PREP: variants seen among roughly 807,000 people sequenced by gnomAD.
The protein encoded by PREP is prolyl endopeptidase, also known as dJ355L5.1 (prolyl endopeptidase).
In PREP, 29 loss-of-function variants were observed where a neutral mutation model predicts 87.6. The observed-to-expected ratio is 0.33, with a 90% CI of 0.25 to 0.45. The LOEUF (loss-of-function observed/expected upper bound fraction) is 0.45, where lower values mean the gene tolerates loss of function less well. Among genes scored for constraint, PREP ranks in the 20% least tolerant of loss-of-function variants. PREP has a pLI of 1.00. For missense variants in PREP, 695 were observed against 886.5 expected (o/e 0.78, Z 2.74); for synonymous variants, 337 against 328.6 (o/e 1.03, Z -0.28).
chr6:105,395,950 C>T (rs1408025755), intron 2 of PREP, among the ~76,000 whole-genome samples: 2 of 152,202 alleles, frequency 1.3e-5, no homozygotes, highest in East Asian at 1.9e-4. Context: ...GACCCAATCC[C>T]TCTGTCTCAG....
In PREP at chr6:105,376,266, G is replaced by A. The variant is rs779296672; in HGVS notation, c.255-11C>T. 6.2e-7 allele frequency: 1 copy of A among 1,611,526 alleles called. No homozygotes were observed. Among genetic ancestry groups the A allele is most frequent in the Admixed American group, 1.7e-5 (1 of 59,812 alleles). ...TAAAAATAAAAATACCTGGGGAACA[G>A]AGATGGTCTTTATTCAGCTGTGGAG... On this transcript the variant is annotated splice_polypyrimidine_tract_variant and intron_variant, in intron 3 of 14. Coordinates refer to ENST00000652536, the MANE Select transcript of PREP (RefSeq NM_002726.5).
At chr6:105,322,869 T>C (rs1371806541) in intron 10 of PREP, 3 of 1,174,044 alleles carry the variant, frequency 2.6e-6, no homozygotes, top group African/African-American at 3.2e-5. Flanking sequence ...GCTATAATAA[T>C]GCCCTAGTTT....
intron 2 of PREP, among the ~76,000 whole-genome samples, chr6:105,395,009 A>T (rs911108346): frequency 2.6e-5 from 4 of 152,232 alleles, no homozygotes; most frequent in African/African-American, 9.6e-5. Flanking sequence ...AACAGAAGTC[A>T]TTAGGCATAA....
intron 10 of PREP, among the ~76,000 whole-genome samples, chr6:105,296,831 T>G (rs1306110354): frequency 6.6e-6 from 1 of 152,208 alleles, no homozygotes; most frequent in East Asian, 1.9e-4. Context: ...GTTTTGCAAT[T>G]TTCTATACTT....
intron 5 of PREP, among the ~76,000 whole-genome samples, chr6:105,372,208 GAA>G (rs879759218): frequency 7.0e-6 from 1 of 143,412 alleles, no homozygotes. Context: ...AATTGTGGGG[GAA>G]AAAAAAAAAC....
intron 10 of PREP, among the ~76,000 whole-genome samples, chr6:105,309,336 A>T (rs776257423): frequency 3.3e-5 from 5 of 152,190 alleles, no homozygotes; most frequent in Non-Finnish European, 5.9e-5. Context: ...CCACTAATGC[A>T]TCAAGAATGA....
At chr6:105,332,405 C>G (rs1432847644) in intron 8 of PREP, among the ~76,000 whole-genome samples, 1 of 152,140 alleles carries the variant, frequency 6.6e-6, no homozygotes, top group East Asian at 1.9e-4. Flanking sequence ...CGTGGATCTG[C>G]CTGACTCTAA....
At position 105,331,072 on chromosome 6, in the gene PREP, A is replaced by G. The variant is rs538303753; in HGVS notation, c.1016-2046T>C. Among the ~76,000 whole-genome samples, 6 of 152,350 alleles carry G rather than the reference A, an allele frequency of 3.9e-5. No homozygotes were observed. The East Asian group carries it at 9.6e-4, about 24-fold the overall frequency. ...TATAAAACAGACAGAAGTGAATAAC[A>G]AAAGGACAAGGTGATTTGTAGACTG... On this transcript the variant is annotated intron_variant, in intron 8 of 14. Transcript: ENST00000652536.
chr6:105,313,727 C>T (rs1157483719), intron 10 of PREP, among the ~76,000 whole-genome samples: 1 of 152,180 alleles, frequency 6.6e-6, no homozygotes, highest in East Asian at 1.9e-4. Flanking sequence ...TCTTGGGCTA[C>T]AATTTCCAAA....
At chr6:105,302,482 G>T in intron 10 of PREP, 1 of 337,162 alleles carries the variant, frequency 3.0e-6, no homozygotes. Context: ...TTCTGCAGCG[G>T]GTACGGCCGC....
At chr6:105,387,748 G>A (rs991037841) in intron 2 of PREP, among the ~76,000 whole-genome samples, 2 of 152,330 alleles carry the variant, frequency 1.3e-5, no homozygotes, top group African/African-American at 4.8e-5. Context: ...GCCACATGTG[G>A]CCGGTGGGCC....
intron 2 of PREP, among the ~76,000 whole-genome samples, 165 bp from the exon 3 acceptor site, chr6:105,377,684 C>T (rs1772722086): frequency 6.6e-6 from 1 of 152,216 alleles, no homozygotes; most frequent in Admixed American, 6.5e-5. Context: ...CATACCTGCC[C>T]AGCTCCTGCC....
intron 8 of PREP, among the ~76,000 whole-genome samples, chr6:105,332,688 C>G (rs1212099789): frequency 6.6e-6 from 1 of 152,060 alleles, no homozygotes; most frequent in African/African-American, 2.4e-5. Flanking sequence ...AACTTTCATG[C>G]AATAAATAAT....
At chr6:105,354,038 TGTG>T (rs1301688717) in intron 6 of PREP, among the ~76,000 whole-genome samples, 4 of 152,180 alleles carry the variant, frequency 2.6e-5, no homozygotes, top group African/African-American at 9.7e-5. Flanking sequence ...TGACAAAAAA[TGTG>T]GTATCAAACT....
At chr6:105,369,366 T>C (rs1772477920) in intron 5 of PREP, among the ~76,000 whole-genome samples, 2 of 152,248 alleles carry the variant, frequency 1.3e-5, no homozygotes, top group Admixed American at 6.5e-5. Flanking sequence ...AGACTCAACA[T>C]TGTCAAGATA....
chr6:105,373,285 T>C (rs1024962645), intron 5 of PREP, 84 bp downstream of exon 5: 14 of 1,421,818 alleles, frequency 9.8e-6, no homozygotes, highest in Non-Finnish European at 1.4e-5. Flanking sequence ...ACAACCTCTA[T>C]GTAGGGTTCA....
chr6:105,292,402 G>T (rs1207681653), intron 10 of PREP, among the ~76,000 whole-genome samples: 1 of 152,212 alleles, frequency 6.6e-6, no homozygotes, highest in Admixed American at 6.5e-5. Context: ...GAGTTCTTGG[G>T]TGACTAGATG....
At chr6:105,334,727 A>AACAACAACAACC (rs1326101764) in intron 7 of PREP, among the ~76,000 whole-genome samples, 1 of 151,914 alleles carries the variant, frequency 6.6e-6, no homozygotes, top group Non-Finnish European at 1.5e-5. Context: ...CAACAACAAC[A>AACAACAACAACC]ACAACAACAA....
chr6:105,282,032 C>T, intron 13 of PREP, 130 bp from the exon 14 acceptor site: 1 of 1,139,220 alleles, frequency 8.8e-7, no homozygotes, highest in Non-Finnish European at 1.2e-6. Context: ...AAGAGGAAAC[C>T]ATCAGAAATC....
Sources: gnomAD v4.1 joint callset for allele counts (sites outside exome capture counted in the v4.1 genomes callset) on GRCh38, gnomAD v4.1.1 for gene constraint, MANE v1.5 for transcripts, NCBI Gene and HGNC (gene_info 2026-07-23, HGNC 2026-07-21) for gene names.